CSMD1: variants seen among roughly 807,000 people sequenced by gnomAD.
CSMD1 encodes CUB and sushi domain-containing protein 1.
Under a neutral mutation model 417.5 loss-of-function variants are expected in CSMD1, and 213 were observed. The observed-to-expected ratio is 0.51, with a 90% CI of 0.46 to 0.57. CSMD1 has a LOEUF of 0.57. Ranked by LOEUF, CSMD1 falls within the 20% of genes least tolerant of loss-of-function variation. CSMD1 has a pLI of 0.00. For synonymous variants in CSMD1, 2,862 were observed against 1,736.8 expected (o/e 1.65, Z -16.11); for missense variants, 6,923 against 4,529.7 (o/e 1.53, Z -15.17).
chr8:3,170,493 C>T (rs1017035824), intron 37 of CSMD1, among the ~76,000 whole-genome samples: 2 of 152,232 alleles, frequency 1.3e-5, no homozygotes, highest in African/African-American at 4.8e-5. Flanking sequence ...CAGGCGTGAG[C>T]CACCGTGCCC....
rs1020970825 is a variant in CSMD1, at chr8:3,179,201, T to A, written c.5725+1909A>T. ...ACCTCGTGATCTGCCCGCCTTGGCC[T>A]CCCAAAGTGCTGGGATTACAGGCGT... On this transcript the variant is annotated intron_variant, in intron 37 of 69. Coordinates refer to ENST00000635120, the MANE Select transcript of CSMD1 (RefSeq NM_033225.6). 1.8e-4 allele frequency among the ~76,000 whole-genome samples: 27 copies of A among 152,088 alleles called. No homozygotes were observed. The South Asian group carries it at 5.2e-3, about 29-fold the overall frequency.
intron 3 of CSMD1, among the ~76,000 whole-genome samples, chr8:4,294,375 G>A (rs1216543603): frequency 1.3e-5 from 2 of 152,126 alleles, no homozygotes; most frequent in African/African-American, 4.8e-5. Flanking sequence ...TCCAGAGAGT[G>A]CAAGATGTCA....
At chr8:4,956,971 C>T (rs1809158402) in intron 1 of CSMD1, among the ~76,000 whole-genome samples, 1 of 152,204 alleles carries the variant, frequency 6.6e-6, no homozygotes, top group South Asian at 2.1e-4. Flanking sequence ...GAAGCCTAAC[C>T]ATGCTCCTGA....
intron 5 of CSMD1, among the ~76,000 whole-genome samples, chr8:3,959,823 T>A (rs1298132461): frequency 6.6e-6 from 1 of 152,216 alleles, no homozygotes; most frequent in Non-Finnish European, 1.5e-5. Context: ...TCTGGCATTA[T>A]ACACCAAGTG....
chr8:3,179,638 C>T (rs1233479116), intron 37 of CSMD1, among the ~76,000 whole-genome samples: 2 of 152,090 alleles, frequency 1.3e-5, no homozygotes, highest in Admixed American at 6.6e-5. Context: ...GGAATAAAAA[C>T]CCAGATGCTA....
chr8:4,737,028 T>C (rs1353031269), intron 1 of CSMD1, among the ~76,000 whole-genome samples: 3 of 152,208 alleles, frequency 2.0e-5, no homozygotes, highest in Non-Finnish European at 4.4e-5. Flanking sequence ...TAAAGACATA[T>C]GCACATGTAA....
At chr8:3,793,173 G>T (rs1799844323) in intron 5 of CSMD1, among the ~76,000 whole-genome samples, 2 of 152,012 alleles carry the variant, frequency 1.3e-5, no homozygotes, top group Admixed American at 1.3e-4. Context: ...GGGGCTGATG[G>T]ATTTTGGCAT....
At chr8:4,818,674 A>G (rs1321798121) in intron 1 of CSMD1, among the ~76,000 whole-genome samples, 2 of 152,210 alleles carry the variant, frequency 1.3e-5, no homozygotes, top group East Asian at 3.8e-4. Flanking sequence ...AGGTATGAAT[A>G]AATTAATAAA....
intron 5 of CSMD1, among the ~76,000 whole-genome samples, chr8:3,953,232 A>T (rs1206950188): frequency 6.6e-6 from 1 of 152,188 alleles, no homozygotes; most frequent in Non-Finnish European, 1.5e-5. Context: ...AAGAAAATAT[A>T]TAACTGATAT....
At chr8:4,447,708 G>C (rs1050313853) in intron 2 of CSMD1, among the ~76,000 whole-genome samples, 3 of 152,146 alleles carry the variant, frequency 2.0e-5, no homozygotes, top group Non-Finnish European at 2.9e-5. Context: ...TGCACTCATA[G>C]TTAATAAAAC....
chr8:3,376,449 C>A (rs575320433), intron 18 of CSMD1, among the ~76,000 whole-genome samples: 1 of 151,768 alleles, frequency 6.6e-6, no homozygotes, highest in East Asian at 1.9e-4. Context: ...ATATCTTATT[C>A]ATAATAAAAA....
chr8:4,536,489 T>A (rs1461863855), intron 2 of CSMD1, among the ~76,000 whole-genome samples: 1 of 152,176 alleles, frequency 6.6e-6, no homozygotes, highest in African/African-American at 2.4e-5. Flanking sequence ...TTTCTCTACC[T>A]TGTCTTTTTC....
chr8:4,894,409 C>T (rs1326370755), intron 1 of CSMD1, among the ~76,000 whole-genome samples: 1 of 151,340 alleles, frequency 6.6e-6, no homozygotes. Flanking sequence ...CTTTCTCTGC[C>T]CATTTCAGGT....
chr8:3,962,799 T>G (rs1225554637), intron 5 of CSMD1, among the ~76,000 whole-genome samples: 1 of 152,182 alleles, frequency 6.6e-6, no homozygotes, highest in Non-Finnish European at 1.5e-5. Context: ...TTTAAAAACA[T>G]TGAGGGCAAT....
intron 26 of CSMD1, among the ~76,000 whole-genome samples, chr8:3,257,238 C>G (rs7463746): frequency 6.6e-6 from 1 of 152,008 alleles, no homozygotes; most frequent in African/African-American, 2.4e-5. Flanking sequence ...GCAGGAGAAT[C>G]GCTTCAACCT....
chr8:3,982,822 G>T (rs565801342), intron 5 of CSMD1, among the ~76,000 whole-genome samples: 5 of 152,312 alleles, frequency 3.3e-5, no homozygotes, highest in East Asian at 1.9e-4. Context: ...AGGGGAGCAC[G>T]ATGGTCACTT....
chr8:3,749,776 C>T (rs1170827000), intron 6 of CSMD1, among the ~76,000 whole-genome samples: 1 of 151,470 alleles, frequency 6.6e-6, no homozygotes, highest in Non-Finnish European at 1.5e-5. Flanking sequence ...TCACCCATGT[C>T]GTTACATGTA....
chr8:3,816,538 A>G (rs1220506564), intron 5 of CSMD1, among the ~76,000 whole-genome samples: 1 of 152,208 alleles, frequency 6.6e-6, no homozygotes, highest in African/African-American at 2.4e-5. Context: ...AATAAGTACA[A>G]ATATACAGGT....
intron 7 of CSMD1, among the ~76,000 whole-genome samples, chr8:3,676,695 G>C (rs1019127151): frequency 6.6e-6 from 1 of 152,058 alleles, no homozygotes; most frequent in Admixed American, 6.6e-5. Flanking sequence ...AAAGATGACT[G>C]TCCATTTCTA....
Sources: allele counts gnomAD v4.1 joint callset (sites outside exome capture counted in the v4.1 genomes callset), GRCh38; gene constraint gnomAD v4.1.1; transcripts MANE v1.5; gene names NCBI Gene and HGNC (gene_info 2026-07-23, HGNC 2026-07-21).